Variants in DOCK6 observed in about 807,000 individuals in gnomAD.
DOCK6 encodes the protein dedicator of cytokinesis protein 6.
In DOCK6, 167 loss-of-function variants were observed where a neutral mutation model predicts 230.3. That is an observed-to-expected ratio of 0.73 (90% CI 0.64 to 0.82). DOCK6 has a LOEUF of 0.82. Ranked by LOEUF, DOCK6 falls within the 40% of genes least tolerant of loss-of-function variation. The probability of loss-of-function intolerance (pLI) is 0.00; values close to 1 mark genes in which losing one functional copy is unlikely to be tolerated. For missense variants in DOCK6, 2,598 were observed against 2,825.8 expected (o/e 0.92, Z 1.83); for synonymous variants, 1,148 against 1,185.0 (o/e 0.97, Z 0.64).
Position 11,222,909 on chromosome 19 carries a change from C to A in DOCK6, c.3070-4G>T. 6.2e-7 allele frequency: 1 copy of A among 1,610,912 alleles called. No homozygotes were observed. Among genetic ancestry groups the A allele is most frequent in the Non-Finnish European group, 8.5e-7 (1 of 1,178,710 alleles). On this transcript the variant is annotated splice_polypyrimidine_tract_variant and splice_region_variant and intron_variant, in intron 25 of 47. Coordinates refer to ENST00000294618, the MANE Select transcript of DOCK6 (RefSeq NM_020812.4). This position sits in a 1 kb window ranked among gnomAD's most constrained non-coding sequence, Gnocchi z 4.0. ...ACGACTGGAGCCGCGTGGCCACCTG[C>A]AGGAGAGGGGTGGCCATCAGTGATG...
intron 28 of DOCK6, among the ~76,000 whole-genome samples, chr19:11,220,847 C>T (rs1358484316): frequency 1.5e-5 from 2 of 135,252 alleles, no homozygotes; most frequent in Admixed American, 7.9e-5. Context: ...TTTTTTGAGA[C>T]GGAGTCTCGC....
chr19:11,242,838 G>A lies in DOCK6; in HGVS notation c.1480+221C>T, dbSNP rs560544937. On this transcript the variant is annotated intron_variant, in intron 13 of 47. Coordinates refer to ENST00000294618, the MANE Select transcript of DOCK6 (RefSeq NM_020812.4). The stretch of plus-strand genomic sequence containing the variant: ...TGCCCCCAGGACCCCTGCCTGCCCC[G>A]CTGCCATTAACCACCTATTGACGCT... Among the ~76,000 whole-genome samples the A allele has an allele frequency of 2.0e-4, 30 of 152,140 alleles. No individual in the cohort carries two copies. The East Asian group carries it at 4.2e-3, about 22-fold the overall frequency.
In DOCK6 at chr19:11,202,830, T is replaced by G; in HGVS notation, c.5236-121A>C. On this transcript the variant is annotated intron_variant, in intron 41 of 47. Coordinates refer to ENST00000294618, the MANE Select transcript of DOCK6 (RefSeq NM_020812.4). This position sits in a 1 kb window ranked among gnomAD's most constrained non-coding sequence, Gnocchi z 5.3. ...TGAGGACCCCGAGAACATCAGGGCA[T>G]GGGCACAGGCAGGGGGCCCTGAGAA... The G allele has an allele frequency of 1.3e-6, 2 of 1,515,880 alleles. No individual in the cohort carries two copies. The highest frequency in any genetic ancestry group is 3.4e-5 in the Admixed American group (2 of 58,694). 93.9% of individuals were successfully genotyped at this position (1,515,880 alleles called of 1,614,324 possible). A position where few individuals can be genotyped will look rare whatever the true frequency, so the allele number is the denominator to read the frequency against.
intron 24 of DOCK6, 59 bp from the exon 25 acceptor site, chr19:11,223,165 G>T: frequency 6.7e-7 from 1 of 1,491,410 alleles, no homozygotes; most frequent in Non-Finnish European, 9.3e-7. Context: ...ACAGGGGCTT[G>T]GCTCTCACCA....
chr19:11,223,480 G>A (rs562969599), intron 24 of DOCK6, among the ~76,000 whole-genome samples: 3 of 152,158 alleles, frequency 2.0e-5, no homozygotes, highest in Non-Finnish European at 4.4e-5. Flanking sequence ...GCAGGTGGGT[G>A]CCGGGGAACT....
In DOCK6 at chr19:11,252,838, G is replaced by A; in HGVS notation, c.253C>T (p.Leu85=). Reference sequence around the variant, plus strand: ...CGGCATTCCCGGGGCTGCAGCAGCAGCTCCAAGTCATCAGCTGGGAATTCT... The same window carrying A: ...CGGCATTCCCGGGGCTGCAGCAGCAACTCCAAGTCATCAGCTGGGAATTCT... ...LVEFPADDLE[L]LLQPRECRTT... The change falls in exon 3 of 48, where the codon CTG becomes TTG. Residue 85 remains leucine, a synonymous_variant. Transcript: ENST00000294618. The A allele has an allele frequency of 6.2e-7, 1 of 1,613,788 alleles. No homozygotes were observed. The highest frequency in any genetic ancestry group is 8.5e-7 in the Non-Finnish European group (1 of 1,179,832).
At position 11,227,460 on chromosome 19, in the gene DOCK6, C is replaced by T. The variant is rs756498927; in HGVS notation, c.2832G>A (p.Leu944=). The T allele has an allele frequency of 6.3e-7, 1 of 1,590,414 alleles. No homozygotes were observed. The highest frequency in any genetic ancestry group is 1.8e-5 in the Admixed American group (1 of 55,358). Residue 944 remains leucine (L), a synonymous_variant, in exon 24 of 48, where the codon CTG becomes CTA. Transcript: ENST00000294618. ...FFQLMVKSMA[L]HLLLGQRLDT... is the part of the protein sequence containing the mutation. ...CTAGTCGCTGGCCAAGCAGCAGGTGCAGCGCCATACTCTTCACCTGGGGGT... is the reference window on the plus strand; with the variant it reads ...CTAGTCGCTGGCCAAGCAGCAGGTGTAGCGCCATACTCTTCACCTGGGGGT...
intron 28 of DOCK6, chr19:11,221,302 G>C (rs912911088): frequency 1.2e-5 from 2 of 162,694 alleles, no homozygotes; most frequent in African/African-American, 4.8e-5. Context: ...CCTAATATAT[G>C]TGTAATTGGA....
At position 11,222,137 on chromosome 19, in the gene DOCK6, C is replaced by T. The variant is rs372185655; in HGVS notation, c.3352G>A (p.Ala1118Thr). ...FLAGLLLTEL[A>T]LALEPEAEGA... ...TCAGCCTCAGGTTCGAGGGCCAGTG[C>T]CAGCTCCGTCAGCAGGAGCCCAGCT... The change falls in exon 27 of 48, where the codon GCA (alanine) becomes ACA (threonine). Residue 1118 changes from alanine to threonine, a missense_variant. Ala to Thr is a moderately conservative substitution (Grantham distance 58, BLOSUM62 0). Coordinates refer to ENST00000294618, the MANE Select transcript of DOCK6 (RefSeq NM_020812.4). This position sits in a 1 kb window ranked among gnomAD's most constrained non-coding sequence, Gnocchi z 4.0. 1.2e-6 allele frequency: 2 copies of T among 1,612,842 alleles called. No individual in the cohort carries two copies. The highest frequency in any genetic ancestry group is 1.7e-6 in the Non-Finnish European group (2 of 1,179,548).
chr19:11,212,561 C>CTTTTTTTTT (rs1363586266), intron 35 of DOCK6, among the ~76,000 whole-genome samples: 2 of 100,034 alleles, frequency 2.0e-5, no homozygotes, highest in African/African-American at 6.7e-5. Context: ...TTCTTTCTTT[C>CTTTTTTTTT]TTTCTTTTTT....
At chr19:11,223,364 C>A (rs931713732) in intron 24 of DOCK6, among the ~76,000 whole-genome samples, 2 of 152,140 alleles carry the variant, frequency 1.3e-5, no homozygotes, top group African/African-American at 4.8e-5. Flanking sequence ...GAGTTCAGAG[C>A]TGGGGAGAGA....
At chr19:11,262,312 G>A in intron 1 of DOCK6, 85 bp downstream of exon 1, 1 of 921,984 alleles carries the variant, frequency 1.1e-6, no homozygotes. Flanking sequence ...TGAATTGGGG[G>A]CGCCCGGGCG....
rs2147725652 is a variant in DOCK6 at position 11,208,733 on chromosome 19, G to C, written c.5041C>G (p.Leu1681Val). The C allele has an allele frequency of 6.2e-7, 1 of 1,613,696 alleles. No individual in the cohort carries two copies. The highest frequency in any genetic ancestry group is 1.7e-5 in the Admixed American group (1 of 60,002). Residue 1681 changes from leucine (L) to valine (V), a missense_variant, in exon 39 of 48, where the codon CTG (leucine) becomes GTG (valine). Transcript: ENST00000294618. ...TGTTCCAGCAACCCTACCAGCCCCA[G>C]CTCAGTGAAGTGCTTCCCGGAGCAG... ...GFCSGKHFTELGLVGLLEQAA... is the reference protein window; with the variant it reads ...GFCSGKHFTEVGLVGLLEQAA...
At position 11,253,009 on chromosome 19, in the gene DOCK6, G is replaced by C. The variant is rs1039117859; in HGVS notation, c.133-51C>G. ...TCGCACTACCTAGGAGGCTGAGAGTGGGGGCACGAGGCAGGGGTGGGTGCG... is the reference window on the plus strand; with the variant it reads ...TCGCACTACCTAGGAGGCTGAGAGTCGGGGCACGAGGCAGGGGTGGGTGCG... On this transcript the variant is annotated intron_variant, in intron 2 of 47. Coordinates refer to ENST00000294618, the MANE Select transcript of DOCK6 (RefSeq NM_020812.4). 6 of 1,535,350 alleles carry C rather than the reference G, an allele frequency of 3.9e-6. No individual in the cohort carries two copies. In the African/African-American group the frequency reaches 8.2e-5, roughly 21 times the overall value.
intron 1 of DOCK6, among the ~76,000 whole-genome samples, chr19:11,255,251 T>G (rs1230815805): frequency 6.6e-6 from 1 of 151,058 alleles, no homozygotes; most frequent in African/African-American, 2.4e-5. Flanking sequence ...GTGACACACC[T>G]GCCTCAGCCT....
At position 11,215,831 on chromosome 19, in the gene DOCK6, C is replaced by G; in HGVS notation, c.3991G>C (p.Ala1331Pro). 1 of 1,613,996 alleles carries G rather than the reference C, an allele frequency of 6.2e-7. No homozygotes were observed. Among genetic ancestry groups the G allele is most frequent in the South Asian group, 1.1e-5 (1 of 91,086 alleles). ...CTTCGCCGAACCATTTCTTGTCGAGCTCCGATGGTACCCAGAATGGCTTCC... is the reference window on the plus strand; with the variant it reads ...CTTCGCCGAACCATTTCTTGTCGAGGTCCGATGGTACCCAGAATGGCTTCC... Reference protein sequence around the residue: ...LEEAILGTIGARQEMVRRSRE... With the variant: ...LEEAILGTIGPRQEMVRRSRE... The change falls in exon 31 of 48, where the codon GCT becomes CCT. Residue 1331 changes from alanine (A) to proline (P), a missense_variant. By Grantham distance (27) the Ala-to-Pro change is conservative. Transcript: ENST00000294618.
intron 37 of DOCK6, 54 bp from the exon 38 acceptor site, chr19:11,209,157 C>G (rs549873623): frequency 1.5e-5 from 24 of 1,553,076 alleles, no homozygotes; most frequent in Non-Finnish European, 1.9e-5. Context: ...GTCCTCCCCA[C>G]CTGCCTCCCA....
At chr19:11,219,094 G>A (rs1306849617) in intron 28 of DOCK6, among the ~76,000 whole-genome samples, 2 of 147,892 alleles carry the variant, frequency 1.4e-5, no homozygotes, top group Non-Finnish European at 3.0e-5. Context: ...GGCCAGGCTG[G>A]TCTTGAACTC....
At chr19:11,223,188 A>ACC in intron 24 of DOCK6, 82 bp from the exon 25 acceptor site, 1 of 1,268,678 alleles carries the variant, frequency 7.9e-7, no homozygotes, top group South Asian at 1.3e-5. Flanking sequence ...ATCATCTGCC[A>ACC]CCCCTAGGAG....
Sources: allele counts gnomAD v4.1 joint callset (sites outside exome capture counted in the v4.1 genomes callset), GRCh38; gene constraint gnomAD v4.1.1; non-coding constraint Gnocchi (gnomAD v3.1); transcripts MANE v1.5; gene names NCBI Gene and HGNC (gene_info 2026-07-23, HGNC 2026-07-21).